Variants in DAPK2 observed in about 807,000 individuals in gnomAD.
The protein encoded by DAPK2 is death-associated protein kinase 2.
A neutral mutation model predicts 44.1 loss-of-function variants in DAPK2; 35 were observed. The ratio of observed to expected loss-of-function variants is 0.79; its 90% CI spans 0.61 to 1.05. The LOEUF (loss-of-function observed/expected upper bound fraction) is 1.05, where lower values mean the gene tolerates loss of function less well. Among genes scored for constraint, DAPK2 ranks in the 50% least tolerant of loss-of-function variants. DAPK2 has a pLI of 0.00. For missense variants in DAPK2, 453 were observed against 483.2 expected (o/e 0.94, Z 0.59); for synonymous variants, 174 against 182.6 (o/e 0.95, Z 0.38).
intron 3 of DAPK2, among the ~76,000 whole-genome samples, chr15:63,952,669 T>A (rs1186427038): frequency 2.0e-5 from 3 of 152,076 alleles, no homozygotes; most frequent in Non-Finnish European, 4.4e-5. Flanking sequence ...TTTTTTTATT[T>A]TTGTGGGTAC....
chr15:63,940,906 G>T (rs1384330643), intron 3 of DAPK2, among the ~76,000 whole-genome samples: 1 of 152,084 alleles, frequency 6.6e-6, no homozygotes, highest in African/African-American at 2.4e-5. Flanking sequence ...TAGATTAGTA[G>T]TCCCCTAGGA....
chr15:64,033,326 A>AAGG (rs150809859), intron 1 of DAPK2, among the ~76,000 whole-genome samples: 53 of 131,450 alleles, frequency 4.0e-4, no homozygotes, highest in South Asian at 3.9e-3. Flanking sequence ...GGAAGGAAGG[A>AAGG]AAAAAAAAAT....
chr15:63,912,730 C>T lies in DAPK2; in HGVS notation c.859-533G>A, dbSNP rs1051994509. On this transcript the variant is annotated intron_variant, in intron 8 of 10. Transcript: ENST00000261891. This position sits in a 1 kb window ranked among gnomAD's most constrained non-coding sequence, Gnocchi z 4.4. ...CTTAAATTTTGACTTCTCCAAGAAGCTTGGGATGGCTTCTCTGAGCCTCAG... is the reference window on the plus strand; with the variant it reads ...CTTAAATTTTGACTTCTCCAAGAAGTTTGGGATGGCTTCTCTGAGCCTCAG... Among the ~76,000 whole-genome samples the T allele has an allele frequency of 6.6e-6, 1 of 152,176 alleles. No homozygotes were observed. The highest frequency in any genetic ancestry group is 2.4e-5 in the African/African-American group (1 of 41,432).
chr15:64,026,026 A>G (rs551351406), intron 1 of DAPK2, among the ~76,000 whole-genome samples: 1 of 152,170 alleles, frequency 6.6e-6, no homozygotes, highest in Non-Finnish European at 1.5e-5. Context: ...ACACTCAACA[A>G]TGTAGGAGCC....
chr15:64,027,382 TCAAAACAAAAAAA>T (rs1349629218), intron 1 of DAPK2, among the ~76,000 whole-genome samples: 3 of 150,936 alleles, frequency 2.0e-5, no homozygotes, highest in Non-Finnish European at 3.0e-5. Flanking sequence ...AGACTCTGTC[TCAAAACAAAAAAA>T]CAAAACAAAA....
chr15:63,999,104 C>T (rs1378985059), intron 1 of DAPK2, among the ~76,000 whole-genome samples: 1 of 152,200 alleles, frequency 6.6e-6, no homozygotes, highest in Non-Finnish European at 1.5e-5. Context: ...GAGCATGGCA[C>T]AGACGCTGTG....
chr15:63,947,660 T>C (rs2077483942), intron 3 of DAPK2, among the ~76,000 whole-genome samples: 1 of 152,236 alleles, frequency 6.6e-6, no homozygotes, highest in Non-Finnish European at 1.5e-5. Context: ...AGAGGGTTAC[T>C]AGGAGGATCA....
intron 1 of DAPK2, among the ~76,000 whole-genome samples, chr15:64,012,826 T>C (rs1361497540): frequency 6.6e-6 from 1 of 152,190 alleles, no homozygotes; most frequent in African/African-American, 2.4e-5. Flanking sequence ...AAATGCACTA[T>C]TTGATTTTGT....
rs117740997 is a variant in DAPK2 at position 63,943,966 on chromosome 15, G to A, written c.454-4605C>T. On this transcript the variant is annotated intron_variant, in intron 3 of 10. Coordinates refer to ENST00000261891, the Ensembl canonical transcript of DAPK2. ...CTGGGGCAACCTCGTGCCTGGCTCA[G>A]ACACAGCTGTTTTCCTCCTCTGGCA... 7.6e-3 allele frequency among the ~76,000 whole-genome samples: 1,155 copies of A among 152,280 alleles called. 9 individuals are homozygous for A. Among genetic ancestry groups the A allele is most frequent in the Non-Finnish European group, 0.012 (822 of 68,010 alleles).
In DAPK2 at chr15:64,016,898, A is replaced by C. The variant is rs541138753; in HGVS notation, c.92+23272T>G. Among the ~76,000 whole-genome samples the C allele has an allele frequency of 2.8e-3, 378 of 135,804 alleles. 3 individuals carry two copies. Among genetic ancestry groups the C allele is most frequent in the African/African-American group, 8.4e-3 (315 of 37,532 alleles). 89.1% of individuals were successfully genotyped at this position (135,804 alleles called of 152,430 possible). A position where few individuals can be genotyped will look rare whatever the true frequency, so the allele number is the denominator to read the frequency against. ...AAGGAAGGAAGGAAGGAAGGAAGGAAGGACGGACATGTAAAATGCCCAGCA... is the reference window on the plus strand; with the variant it reads ...AAGGAAGGAAGGAAGGAAGGAAGGACGGACGGACATGTAAAATGCCCAGCA... On this transcript the variant is annotated intron_variant, in intron 1 of 10. Transcript: ENST00000261891.
intron 3 of DAPK2, among the ~76,000 whole-genome samples, chr15:63,964,439 T>C (rs1262322509): frequency 3.3e-5 from 5 of 152,194 alleles, no homozygotes; most frequent in Non-Finnish European, 7.3e-5. Flanking sequence ...GATTATTATT[T>C]GGGTTTAACC....
intron 3 of DAPK2, among the ~76,000 whole-genome samples, chr15:63,965,721 C>G (rs904349729): frequency 6.6e-6 from 1 of 152,224 alleles, no homozygotes; most frequent in East Asian, 1.9e-4. Flanking sequence ...GCATCTCCCC[C>G]CATGGCCCCC....
chr15:63,969,330 GGATTAC>G (rs1484966009), intron 3 of DAPK2, among the ~76,000 whole-genome samples: 2 of 152,126 alleles, frequency 1.3e-5, no homozygotes, highest in Non-Finnish European at 2.9e-5. Context: ...TGAGGTGGGA[GGATTAC>G]CTGAGCCTGA....
rs2079261175 is a variant in DAPK2 at position 63,926,258 on chromosome 15, T to C, written c.660-165A>G. On this transcript the variant is annotated intron_variant, in intron 6 of 10. Coordinates refer to ENST00000261891, the Ensembl canonical transcript of DAPK2. ...CCAACCAGCAGCCTGTTCAGCTAAG[T>C]CCAATTCAATACATGTTCATGGAGC... 1.9e-5 allele frequency: 12 copies of C among 634,676 alleles called. No homozygotes were observed. The South Asian group carries it at 2.2e-4, about 12-fold the overall frequency. 39.3% of individuals were successfully genotyped at this position (634,676 alleles called of 1,614,324 possible). A position where few individuals can be genotyped will look rare whatever the true frequency, so the allele number is the denominator to read the frequency against.
intron 6 of DAPK2, chr15:63,928,427 T>C (rs1182097984): frequency 1.3e-5 from 2 of 152,220 alleles, no homozygotes; most frequent in Non-Finnish European, 2.9e-5. Flanking sequence ...CCCATCTGGT[T>C]GACTCTTACT....
At position 63,912,188 on chromosome 15, in the gene DAPK2, T is replaced by C. The variant is rs2078814603; in HGVS notation, c.868A>G (p.Asn290Asp). 1.2e-6 allele frequency: 2 copies of C among 1,613,952 alleles called. No homozygotes were observed. The highest frequency in any genetic ancestry group is 1.7e-6 in the Non-Finnish European group (2 of 1,180,036). ...TCCCTGCGCACCATGGCTTGCTGGT[T>C]GTCCACCGGCTGAGAGACAAAGCAG... The change falls in exon 9 of 11, where the codon AAC (asparagine) becomes GAC (aspartate). Residue 290 changes from asparagine to aspartate, a missense_variant. Asn to Asp is a conservative substitution (Grantham distance 23). Transcript: ENST00000261891. The surrounding 1 kb of genome is among the most constrained non-coding windows in gnomAD (Gnocchi z 4.4).
intron 3 of DAPK2, among the ~76,000 whole-genome samples, chr15:63,954,014 T>C (rs2077658066): frequency 6.6e-6 from 1 of 152,248 alleles, no homozygotes; most frequent in African/African-American, 2.4e-5. Flanking sequence ...TAGATTTTTT[T>C]CCTACAGACT....
intron 1 of DAPK2, among the ~76,000 whole-genome samples, chr15:63,985,543 C>G (rs2078646477): frequency 6.6e-6 from 1 of 152,224 alleles, no homozygotes; most frequent in Admixed American, 6.5e-5. Flanking sequence ...CCTGGCATTT[C>G]AGAGTCCCTG....
intron 1 of DAPK2, among the ~76,000 whole-genome samples, chr15:64,014,885 G>A (rs2079481056): frequency 1.3e-5 from 2 of 148,824 alleles, no homozygotes; most frequent in Admixed American, 6.7e-5. Flanking sequence ...GTGAAATAGA[G>A]CCACTTCACT....
Sources: gnomAD v4.1 joint callset for allele counts (sites outside exome capture counted in the v4.1 genomes callset) on GRCh38, gnomAD v4.1.1 for gene constraint, Gnocchi (gnomAD v3.1) non-coding constraint, MANE v1.5 for transcripts, NCBI Gene and HGNC (gene_info 2026-07-23, HGNC 2026-07-21) for gene names.